NLRP7: variants seen among roughly 807,000 people sequenced by gnomAD.
The protein encoded by NLRP7 is NLR family pyrin domain containing 7.
In NLRP7, 72 loss-of-function variants were observed where a neutral mutation model predicts 85.5. The observed-to-expected ratio is 0.84, with a 90% confidence interval of 0.70 to 1.02. NLRP7 has a LOEUF of 1.02. Among genes scored for constraint, NLRP7 ranks in the 50% least tolerant of loss-of-function variants. The pLI is 0.00. For missense variants in NLRP7, 1,243 were observed against 1,219.5 expected (o/e 1.02, Z -0.29); for synonymous variants, 550 against 505.2 (o/e 1.09, Z -1.19).
chr19:54,951,768 TGAGACG>T (rs1263212488), upstream of NLRP7, among the ~76,000 whole-genome samples: 3 of 151,760 alleles, frequency 2.0e-5, no homozygotes, highest in African/African-American at 7.3e-5. Flanking sequence ...TTTTTTTTTT[TGAGACG>T]GAGTCTCGCT....
chr19:54,954,030 ATAAAT>A (rs2069766864), intron 1 of NLRP7, among the ~76,000 whole-genome samples: 13 of 148,910 alleles, frequency 8.7e-5, no homozygotes, highest in African/African-American at 3.0e-4. Flanking sequence ...ATAAATAAAA[ATAAAT>A]AAAGCATCCA....
intron 1 of NLRP7, among the ~76,000 whole-genome samples, chr19:54,956,507 TG>T (rs1225175950): frequency 1.3e-5 from 2 of 149,198 alleles, no homozygotes; most frequent in Non-Finnish European, 3.0e-5. Flanking sequence ...CTGGTGAACA[TG>T]GCAAAACCCC....
At chr19:54,953,558 G>A (rs1483573629) in intron 1 of NLRP7, among the ~76,000 whole-genome samples, 2 of 148,904 alleles carry the variant, frequency 1.3e-5, no homozygotes, top group African/African-American at 5.2e-5. Flanking sequence ...CCTGGGCCGC[G>A]GGGCTGTCTG....
At chr19:54,949,961 G>C (rs569880512), upstream of NLRP7, among the ~76,000 whole-genome samples, 274 of 152,228 alleles carry the variant, frequency 1.8e-3, no homozygotes, top group African/African-American at 6.4e-3. Flanking sequence ...AATTAGCCAG[G>C]CGTGGTGGAG....
At chr19:54,940,283 G>C in exon 4 of NLRP7, 1 of 1,614,194 alleles carries the variant, frequency 6.2e-7, no homozygotes, top group Non-Finnish European at 8.5e-7. Context: ...CACGCCTGCG[G>C]GGCCGTGCAG....
At chr19:54,930,704 T>A (rs748286893) in intron 8 of NLRP7, 38 bp from the exon 9 acceptor site, 2 of 1,566,998 alleles carry the variant, frequency 1.3e-6, no homozygotes. Flanking sequence ...CTGTTATCCC[T>A]CTGGCTAACG....
At chr19:54,953,757 C>T (rs979212831) in intron 1 of NLRP7, among the ~76,000 whole-genome samples, 10 of 151,984 alleles carry the variant, frequency 6.6e-5, no homozygotes, top group African/African-American at 1.9e-4. Context: ...AATCCCAGCA[C>T]TTTCGGGGGC....
At chr19:54,937,145 G>T (rs1463578134) in intron 5 of NLRP7, among the ~76,000 whole-genome samples, 8 of 151,452 alleles carry the variant, frequency 5.3e-5, no homozygotes, top group Non-Finnish European at 1.2e-4. Context: ...ATGAACCCGG[G>T]AGGCAGGGCT....
At chr19:54,952,774 G>A (rs747249802) in intron 1 of NLRP7, among the ~76,000 whole-genome samples, 3 of 152,080 alleles carry the variant, frequency 2.0e-5, no homozygotes, top group Non-Finnish European at 2.9e-5. Context: ...TGTAACCAGG[G>A]CAACTCCATC....
chr19:54,952,048 G>A (rs1015240191), upstream of NLRP7, among the ~76,000 whole-genome samples: 2 of 152,130 alleles, frequency 1.3e-5, no homozygotes, highest in Admixed American at 6.6e-5. Flanking sequence ...CACCGCGCCC[G>A]GCCCCATTAG....
chr19:54,925,978 C>A (rs942610743), intron 9 of NLRP7, among the ~76,000 whole-genome samples: 30 of 149,768 alleles, frequency 2.0e-4, no homozygotes, highest in Admixed American at 4.0e-4. Context: ...CCAGCCTGGG[C>A]GACAGAGACT....
exon 9 of NLRP7, chr19:54,930,535 G>A (rs781125532): frequency 3.7e-6 from 6 of 1,610,218 alleles, no homozygotes; most frequent in Non-Finnish European, 4.2e-6. Context: ...ATTCTCTAAT[G>A]CCTGACAGAG....
At chr19:54,947,615 G>A (rs1193439511), upstream of NLRP7, 5 of 1,289,632 alleles carry the variant, frequency 3.9e-6, no homozygotes, top group Middle Eastern at 2.1e-4. Flanking sequence ...AACATTGGGT[G>A]GCTCCCAACC....
At chr19:54,947,065 C>A (rs2069506631) in intron 1 of NLRP7, among the ~76,000 whole-genome samples, 3 of 152,056 alleles carry the variant, frequency 2.0e-5, no homozygotes, top group Admixed American at 2.0e-4. Context: ...TGGCTCACAC[C>A]TGGAATCCCA....
At chr19:54,924,860 C>T (rs1324733790) in intron 9 of NLRP7, among the ~76,000 whole-genome samples, 1 of 152,138 alleles carries the variant, frequency 6.6e-6, no homozygotes, top group Non-Finnish European at 1.5e-5. Flanking sequence ...CGCTTTGAAC[C>T]TGGGAGGCAG....
intron 1 of NLRP7, among the ~76,000 whole-genome samples, chr19:54,944,892 C>G (rs971666914): frequency 2.0e-5 from 3 of 152,082 alleles, no homozygotes; most frequent in Non-Finnish European, 4.4e-5. Flanking sequence ...TCCACTGCTT[C>G]ATATAGTTGC....
upstream of NLRP7, among the ~76,000 whole-genome samples, chr19:54,952,334 T>G (rs2069696404): frequency 6.6e-6 from 1 of 151,942 alleles, no homozygotes; most frequent in Non-Finnish European, 1.5e-5. Context: ...GGCTCACACC[T>G]GTAACTCCAG....
chr19:54,941,784 T>C, intron 1 of NLRP7, 34 bp from the exon 2 acceptor site: 1 of 1,485,458 alleles, frequency 6.7e-7, no homozygotes. Flanking sequence ...GTTCACGAGT[T>C]ACCATCATTA....
intron 8 of NLRP7, among the ~76,000 whole-genome samples, chr19:54,933,335 C>G (rs2068756661): frequency 6.6e-6 from 1 of 152,044 alleles, no homozygotes; most frequent in African/African-American, 2.4e-5. Context: ...TTAGTACAGA[C>G]AGGGTTTCAC....
Sources: gnomAD v4.1 joint callset for allele counts (sites outside exome capture counted in the v4.1 genomes callset) on GRCh38, gnomAD v4.1.1 for gene constraint, MANE v1.5 for transcripts, NCBI Gene and HGNC (gene_info 2026-07-23, HGNC 2026-07-21) for gene names.